SAFB2: variants seen among roughly 807,000 people sequenced by gnomAD.
SAFB2 encodes the protein scaffold attachment factor B2.
In SAFB2, 32 loss-of-function variants were observed where a neutral mutation model predicts 100.6. That is an observed-to-expected ratio of 0.32 (90% CI 0.24 to 0.43). The LOEUF (loss-of-function observed/expected upper bound fraction) is 0.43, where lower values mean the gene tolerates loss of function less well. Ranked by LOEUF, SAFB2 falls within the 20% of genes least tolerant of loss-of-function variation. The pLI is 1.00. For synonymous variants in SAFB2, 500 were observed against 439.4 expected (o/e 1.14, Z -1.72); for missense variants, 1,185 against 1,163.4 (o/e 1.02, Z -0.27).
chr19:5,591,861 G>C, intron 16 of SAFB2, 68 bp from the exon 17 acceptor site: 12 of 1,478,896 alleles, frequency 8.1e-6, no homozygotes, highest in Non-Finnish European at 1.1e-5. Flanking sequence ...GGTCAGGCAA[G>C]TTTCGCGACT....
At chr19:5,602,899 G>A (rs1176803696) in intron 11 of SAFB2, among the ~76,000 whole-genome samples, 1 of 150,938 alleles carries the variant, frequency 6.6e-6, no homozygotes, top group Admixed American at 6.6e-5. Flanking sequence ...TTAAATTAGA[G>A]GGCTCACCGC....
At chr19:5,612,841 A>C (rs2052937885) in intron 5 of SAFB2, among the ~76,000 whole-genome samples, 1 of 152,230 alleles carries the variant, frequency 6.6e-6, no homozygotes, top group Admixed American at 6.5e-5. Context: ...CCCATGACCA[A>C]GCTGACCTAG....
chr19:5,619,150 A>G (rs2053092153), intron 2 of SAFB2, among the ~76,000 whole-genome samples: 1 of 152,198 alleles, frequency 6.6e-6, no homozygotes, highest in Admixed American at 6.5e-5. Context: ...GTATGTAATC[A>G]CAGGCCCTAA....
rs2052264545 is a variant in SAFB2, at chr19:5,587,029, G to A, written c.*214C>T. 7.7e-6 allele frequency: 5 copies of A among 648,766 alleles called. No individual in the cohort carries two copies. In the Admixed American group the frequency reaches 1.5e-4, roughly 19 times the overall value. The allele number at this position is 648,766 out of a possible 1,614,324, so 40.2% of individuals were successfully genotyped here. A position where few individuals can be genotyped will look rare whatever the true frequency, so the allele number is the denominator to read the frequency against. ...ATGGTAAACTTTATTAATGGAAAATGGAATGCCTCGTTAACAGAAACCTTG... is the reference window on the plus strand; with the variant it reads ...ATGGTAAACTTTATTAATGGAAAATAGAATGCCTCGTTAACAGAAACCTTG... On this transcript the variant is annotated 3_prime_UTR_variant, in exon 21 of 21. Coordinates refer to ENST00000252542, the MANE Select transcript of SAFB2 (RefSeq NM_014649.3). The surrounding 1 kb of genome is among the most constrained non-coding windows in gnomAD (Gnocchi z 4.9).
At chr19:5,590,470 G>A (rs539652232) in intron 17 of SAFB2, 62 bp from the exon 18 acceptor site, 27 of 1,519,648 alleles carry the variant, frequency 1.8e-5, no homozygotes, top group Middle Eastern at 2.0e-4. Context: ...CCCACCTTCC[G>A]GAAGGCCTGT....
At chr19:5,621,270 C>A (rs745552191) in intron 2 of SAFB2, 39 bp downstream of exon 2, 1 of 1,332,860 alleles carries the variant, frequency 7.5e-7, no homozygotes, top group Admixed American at 1.7e-5. Flanking sequence ...TCTCTAAATT[C>A]TCTGAACACT....
Position 5,587,158 on chromosome 19 carries a change from A to C in SAFB2, c.*85T>G. ...TGGTGGCAGGATTTACTTTGCTTTT[A>C]AAAAGATCCCCCAAGTTCGAGGGAA... On this transcript the variant is annotated 3_prime_UTR_variant, in exon 21 of 21. Coordinates refer to ENST00000252542, the MANE Select transcript of SAFB2 (RefSeq NM_014649.3). This position sits in a 1 kb window ranked among gnomAD's most constrained non-coding sequence, Gnocchi z 4.9. 6.4e-7 allele frequency: 1 copy of C among 1,556,866 alleles called. No individual in the cohort carries two copies. Among genetic ancestry groups the C allele is most frequent in the Non-Finnish European group, 8.7e-7 (1 of 1,144,854 alleles).
At chr19:5,588,177 C>T (rs538969612) in intron 18 of SAFB2, among the ~76,000 whole-genome samples, 197 bp from the exon 19 acceptor site, 1 of 152,230 alleles carries the variant, frequency 6.6e-6, no homozygotes, top group African/African-American at 2.4e-5. Context: ...AGGTGCTCAA[C>T]GCCACCCAGA....
At chr19:5,613,410 A>G (rs2052952418) in intron 5 of SAFB2, 55 bp downstream of exon 5, 6 of 1,475,500 alleles carry the variant, frequency 4.1e-6, no homozygotes, top group East Asian at 2.3e-5. Context: ...TTCATTATGG[A>G]AAATCAACCA....
rs1386471328 is a variant in SAFB2 at position 5,587,242 on chromosome 19, C to G, written c.*1G>C. The G allele has an allele frequency of 6.2e-7, 1 of 1,613,178 alleles. No homozygotes were observed. Among genetic ancestry groups the G allele is most frequent in the African/African-American group, 1.3e-5 (1 of 74,876 alleles). Reference sequence around the variant, plus strand: ...ACCCGAAAACTCGCAGCGAGTGGGACTTAGTAGCGGCGGGTGAAGTGGGGG... The same window carrying G: ...ACCCGAAAACTCGCAGCGAGTGGGAGTTAGTAGCGGCGGGTGAAGTGGGGG... On this transcript the variant is annotated 3_prime_UTR_variant, in exon 21 of 21. Transcript: ENST00000252542. This position sits in a 1 kb window ranked among gnomAD's most constrained non-coding sequence, Gnocchi z 4.9.
At chr19:5,622,343 C>T (rs911745245) in intron 1 of SAFB2, among the ~76,000 whole-genome samples, 187 bp downstream of exon 1, 3 of 152,158 alleles carry the variant, frequency 2.0e-5, no homozygotes, top group African/African-American at 7.2e-5. Context: ...GGAAGGGAGG[C>T]ACAGAGAGGA....
At chr19:5,617,405 T>C (rs1180521747) in intron 2 of SAFB2, among the ~76,000 whole-genome samples, 7 of 152,084 alleles carry the variant, frequency 4.6e-5, no homozygotes, top group Admixed American at 4.6e-4. Flanking sequence ...AGTTCAAGAG[T>C]GGAAACCTTG....
In SAFB2 at chr19:5,621,887, T is replaced by C. The variant is rs925819575; in HGVS notation, c.187-491A>G. ...CCTATGCTCAAGTTGTTTGTTCCAG[T>C]TGCGGAAACAGACAATTCCCAACCC... On this transcript the variant is annotated intron_variant, in intron 1 of 20. Transcript: ENST00000252542. Among the ~76,000 whole-genome samples, 4 of 152,372 alleles carry C rather than the reference T, an allele frequency of 2.6e-5. No homozygotes were observed. In the East Asian group the frequency reaches 5.8e-4, roughly 22 times the overall value.
At chr19:5,622,220 G>C (rs1454166439) in intron 1 of SAFB2, among the ~76,000 whole-genome samples, 1 of 152,220 alleles carries the variant, frequency 6.6e-6, no homozygotes, top group African/African-American at 2.4e-5. Context: ...ACCTGCCCAA[G>C]GTCACAGAGC....
intron 18 of SAFB2, among the ~76,000 whole-genome samples, chr19:5,589,706 A>G (rs1003186996): frequency 4.6e-5 from 7 of 152,114 alleles, no homozygotes; most frequent in Non-Finnish European, 1.0e-4. Context: ...CAATGCTGAC[A>G]AGGCTCAGAA....
intron 4 of SAFB2, 142 bp downstream of exon 4, chr19:5,615,990 G>T: frequency 1.4e-6 from 1 of 703,832 alleles, no homozygotes; most frequent in Non-Finnish European, 2.4e-6. Flanking sequence ...GCGTTTAAAT[G>T]GACATGGTTT....
rs531291528 is a variant in SAFB2, at chr19:5,618,223, G to A, written c.275-1737C>T. Among the ~76,000 whole-genome samples the A allele has an allele frequency of 1.2e-4, 18 of 151,960 alleles. No homozygotes were observed. In the East Asian group the frequency reaches 1.5e-3, roughly 13 times the overall value. On this transcript the variant is annotated intron_variant, in intron 2 of 20. Transcript: ENST00000252542. ...ACTAAAAATAGAAAAACAGCCGGAC[G>A]TGGTGGCGGGCGCCTGTAGTCTCAG...
At chr19:5,604,720 T>G (rs377120439) in intron 10 of SAFB2, 25 bp from the exon 11 acceptor site, 1 of 1,613,922 alleles carries the variant, frequency 6.2e-7, no homozygotes, top group African/African-American at 1.3e-5. Context: ...ACAGAAATGA[T>G]GTGTGGCCCA....
At position 5,594,185 on chromosome 19, in the gene SAFB2, G is replaced by A. The variant is rs1432619521; in HGVS notation, c.1920-7C>T. Reference sequence around the variant, plus strand: ...CTCCCGCTGCTCGCGCTCCCTGCGGGGACAGGTGAGGCTGCCCTGAACTCC... The same window carrying A: ...CTCCCGCTGCTCGCGCTCCCTGCGGAGACAGGTGAGGCTGCCCTGAACTCC... On this transcript the variant is annotated splice_polypyrimidine_tract_variant and splice_region_variant and intron_variant, in intron 14 of 20. Transcript: ENST00000252542. 1.9e-6 allele frequency: 3 copies of A among 1,582,310 alleles called. No homozygotes were observed. Among genetic ancestry groups the A allele is most frequent in the African/African-American group, 1.3e-5 (1 of 74,170 alleles).
Sources: gnomAD v4.1 joint callset for allele counts (sites outside exome capture counted in the v4.1 genomes callset) on GRCh38, gnomAD v4.1.1 for gene constraint, Gnocchi (gnomAD v3.1) non-coding constraint, MANE v1.5 for transcripts, NCBI Gene and HGNC (gene_info 2026-07-23, HGNC 2026-07-21) for gene names.